Variants in OSBPL2 observed in about 807,000 individuals in gnomAD.
OSBPL2 encodes the protein oxysterol binding protein like 2, also known as oxysterol-binding protein-related protein 2.
A neutral mutation model predicts 58.4 loss-of-function variants in OSBPL2; 18 were observed. That is an observed-to-expected ratio of 0.31 (90% CI 0.21 to 0.46). OSBPL2 has a LOEUF of 0.46. Among genes scored for constraint, OSBPL2 ranks in the 20% least tolerant of loss-of-function variants. The pLI, the probability that OSBPL2 is intolerant of heterozygous loss-of-function variation, is 1.00. For synonymous variants in OSBPL2, 221 were observed against 234.1 expected (o/e 0.94, Z 0.51); for missense variants, 461 against 616.5 (o/e 0.75, Z 2.67).
intron 2 of OSBPL2, among the ~76,000 whole-genome samples, chr20:62,258,024 C>T (rs908228579): frequency 2.0e-5 from 3 of 152,140 alleles, no homozygotes; most frequent in African/African-American, 4.8e-5. Flanking sequence ...CAACTCTGAG[C>T]TTTTTGAGTC....
chr20:62,271,261 C>CTCCTTG (rs11474627), intron 4 of OSBPL2, among the ~76,000 whole-genome samples: 3 of 151,968 alleles, frequency 2.0e-5, no homozygotes, highest in Non-Finnish European at 4.4e-5. Context: ...GCCATGCGCC[C>CTCCTTG]TGCCGTCCAG....
At position 62,271,380 on chromosome 20, in the gene OSBPL2, C is replaced by T. The variant is rs531931822; in HGVS notation, c.259-745C>T. Among the ~76,000 whole-genome samples the T allele has an allele frequency of 1.4e-4, 21 of 152,288 alleles. No homozygotes were observed. In the Middle Eastern group the frequency reaches 0.01, roughly 74 times the overall value. The stretch of plus-strand genomic sequence containing the variant: ...CTCATTTGCCAGGTTCAGGTGTGTC[C>T]GAGGCATCCTGGAGGGACGGGAAGC... On this transcript the variant is annotated intron_variant, in intron 4 of 13. Transcript: ENST00000313733.
intron 1 of OSBPL2, among the ~76,000 whole-genome samples, chr20:62,250,797 C>A (rs950707164): frequency 6.6e-6 from 1 of 151,958 alleles, no homozygotes; most frequent in Non-Finnish European, 1.5e-5. Context: ...TGATGGTGTA[C>A]GCCTGTGGTC....
At chr20:62,244,373 G>A (rs945213274) in intron 1 of OSBPL2, among the ~76,000 whole-genome samples, 2 of 152,220 alleles carry the variant, frequency 1.3e-5, no homozygotes, top group Admixed American at 6.5e-5. Flanking sequence ...ACACAGCGGC[G>A]GCGGGTCGGG....
At chr20:62,284,347 T>G in intron 10 of OSBPL2, 178 bp downstream of exon 10, 1 of 643,454 alleles carries the variant, frequency 1.6e-6, no homozygotes, top group Admixed American at 2.9e-5. Flanking sequence ...CCAGTATCAG[T>G]GAGGGGGTTT....
chr20:62,293,917 G>T lies in OSBPL2; in HGVS notation c.*30G>T. ...CTGGAGGGGCCTGGGGCCCGGGACCGGAGGCTGACGAGGCTGGACTTCCTC... is the reference window on the plus strand; with the variant it reads ...CTGGAGGGGCCTGGGGCCCGGGACCTGAGGCTGACGAGGCTGGACTTCCTC... On this transcript the variant is annotated 3_prime_UTR_variant, in exon 14 of 14. Transcript: ENST00000313733. 1 of 1,606,554 alleles carries T rather than the reference G, an allele frequency of 6.2e-7. No homozygotes were observed. The highest frequency in any genetic ancestry group is 2.2e-5 in the East Asian group (1 of 44,680).
At chr20:62,286,170 CG>C in intron 10 of OSBPL2, 1 of 174,800 alleles carries the variant, frequency 5.7e-6, no homozygotes, top group South Asian at 1.2e-4. Flanking sequence ...AAAAAAAGGC[CG>C]GGTGTGGTGG....
intron 2 of OSBPL2, among the ~76,000 whole-genome samples, chr20:62,257,889 AC>A (rs1423887004): frequency 4.0e-5 from 6 of 151,750 alleles, no homozygotes; most frequent in African/African-American, 1.5e-4. Context: ...TAATTTTTGT[AC>A]TTTTAGTAGA....
At position 62,284,077 on chromosome 20, in the gene OSBPL2, T is replaced by G; in HGVS notation, c.904T>G (p.Trp302Gly). 1 of 1,613,948 alleles carries G rather than the reference T, an allele frequency of 6.2e-7. No homozygotes were observed. Residue 302 changes from tryptophan to glycine, a missense_variant, in exon 10 of 14, where the codon TGG becomes GGG. Transcript: ENST00000313733. ...KKKLFMIYGK[W>G]TECLWGIDPV... ...GAAGCTCTTTATGATCTATGGCAAA[T>G]GGACGGAATGTTTGTGGGGCATAGA...
chr20:62,275,662 G>A (rs1416608002), intron 6 of OSBPL2, among the ~76,000 whole-genome samples: 1 of 152,112 alleles, frequency 6.6e-6, no homozygotes, highest in African/African-American at 2.4e-5. Flanking sequence ...TGCCCAGGCT[G>A]CTCTTGAACT....
intron 10 of OSBPL2, chr20:62,284,470 A>T (rs555239216): frequency 6.9e-5 from 25 of 364,154 alleles, no homozygotes; most frequent in Non-Finnish European, 1.2e-4. Flanking sequence ...TCCAGCTACC[A>T]GGCTCAAGCA....
intron 13 of OSBPL2, among the ~76,000 whole-genome samples, chr20:62,293,197 T>G (rs1983642249): frequency 7.3e-6 from 1 of 136,576 alleles, no homozygotes; most frequent in Non-Finnish European, 1.6e-5. Flanking sequence ...AAAAAAAATA[T>G]ACTGTGAAAA....
intron 2 of OSBPL2, among the ~76,000 whole-genome samples, chr20:62,256,876 C>G (rs895254291): frequency 6.6e-6 from 1 of 152,218 alleles, no homozygotes; most frequent in African/African-American, 2.4e-5. Flanking sequence ...CCTTTGAGCT[C>G]GTGTCTTGTC....
chr20:62,293,937 TTCC>T lies in OSBPL2; in HGVS notation c.*53_*55del. 4 of 1,594,948 alleles carry T rather than the reference TTCC, an allele frequency of 2.5e-6. No homozygotes were observed. The highest frequency in any genetic ancestry group is 4.5e-5 in the East Asian group (2 of 44,630). ...GGACCGGAGGCTGACGAGGCTGGAC[TTCC>T]TCGAGTGGCCACTGTGAGCCTCGTC... On this transcript the variant is annotated 3_prime_UTR_variant, in exon 14 of 14. Coordinates refer to ENST00000313733, the MANE Select transcript of OSBPL2 (RefSeq NM_144498.4).
At chr20:62,274,788 C>A (rs1982280660) in intron 6 of OSBPL2, among the ~76,000 whole-genome samples, 1 of 152,252 alleles carries the variant, frequency 6.6e-6, no homozygotes, top group African/African-American at 2.4e-5. Context: ...TTGCCACAGG[C>A]TGCTGGGCTG....
rs1983247865 is a variant in OSBPL2, at chr20:62,288,089, C to T, written c.1126-1118C>T. On this transcript the variant is annotated intron_variant, in intron 11 of 13. Transcript: ENST00000313733. The surrounding 1 kb of genome is among the most constrained non-coding windows in gnomAD (Gnocchi z 4.8). Reference sequence around the variant, plus strand: ...GCGGAGGGGACAGTCAGGGCAGAGACCCCTGGAGTAGACTAGTGTGTGAGG... The same window carrying T: ...GCGGAGGGGACAGTCAGGGCAGAGATCCCTGGAGTAGACTAGTGTGTGAGG... 6.6e-6 allele frequency among the ~76,000 whole-genome samples: 1 copy of T among 152,126 alleles called. No homozygotes were observed. The highest frequency in any genetic ancestry group is 1.5e-5 in the Non-Finnish European group (1 of 68,016).
intron 1 of OSBPL2, among the ~76,000 whole-genome samples, chr20:62,241,147 C>T (rs1047316541): frequency 6.6e-6 from 1 of 152,084 alleles, no homozygotes; most frequent in Non-Finnish European, 1.5e-5. Context: ...CTGTGCCGTC[C>T]AGGAGATGCC....
rs191169992 is a variant in OSBPL2 at position 62,241,338 on chromosome 20, G to A, written c.-129+2741G>A. ...CTCCCAAGTAGCTGGGACTACAGGC[G>A]CCCGCCACCACACCTGGCTAATTTT... On this transcript the variant is annotated intron_variant, in intron 1 of 13. Transcript: ENST00000313733. Among the ~76,000 whole-genome samples the A allele has an allele frequency of 5.1e-3, 776 of 152,208 alleles. 4 individuals are homozygous for A. The highest frequency in any genetic ancestry group is 0.018 in the African/African-American group (734 of 41,528).
At chr20:62,286,371 A>G in intron 10 of OSBPL2, 2 of 483,738 alleles carry the variant, frequency 4.1e-6, no homozygotes, top group Non-Finnish European at 7.5e-6. Context: ...AATCTCTTGA[A>G]CTCAGGAGGC....
Sources: gnomAD v4.1 joint callset for allele counts (sites outside exome capture counted in the v4.1 genomes callset) on GRCh38, gnomAD v4.1.1 for gene constraint, Gnocchi (gnomAD v3.1) non-coding constraint, MANE v1.5 for transcripts, NCBI Gene and HGNC (gene_info 2026-07-23, HGNC 2026-07-21) for gene names.